Variants in RALYL observed in about 807,000 individuals in gnomAD.
The protein encoded by RALYL is RNA-binding Raly-like protein.
In RALYL, 29 loss-of-function variants were observed where a neutral mutation model predicts 35.1. The observed-to-expected ratio is 0.83, with a 90% CI of 0.61 to 1.13. RALYL has a LOEUF of 1.13. Among genes scored for constraint, RALYL ranks in the 50% most tolerant of loss-of-function variants. The pLI is 0.00. For synonymous variants in RALYL, 120 were observed against 127.6 expected (o/e 0.94, Z 0.40); for missense variants, 359 against 360.4 (o/e 1.00, Z 0.03).
At chr8:84,786,627 CTTT>C (rs1384156519) in intron 3 of RALYL, among the ~76,000 whole-genome samples, 1 of 152,100 alleles carries the variant, frequency 6.6e-6, no homozygotes, top group Non-Finnish European at 1.5e-5. Flanking sequence ...TAAATGTCTT[CTTT>C]TGAGAAGTGT....
intron 2 of RALYL, among the ~76,000 whole-genome samples, chr8:84,583,358 T>TA (rs1178658338): frequency 2.6e-5 from 4 of 152,138 alleles, no homozygotes; most frequent in Non-Finnish European, 5.9e-5. Context: ...TTCACTTTGA[T>TA]AAAAAATGGA....
chr8:84,549,347 AT>A (rs1205621428), intron 2 of RALYL, among the ~76,000 whole-genome samples: 8 of 151,990 alleles, frequency 5.3e-5, no homozygotes, highest in African/African-American at 1.9e-4. Context: ...CTTCCAATCC[AT>A]TTTCCCCATG....
chr8:84,574,922 G>T (rs1808951266), intron 2 of RALYL, among the ~76,000 whole-genome samples: 1 of 152,044 alleles, frequency 6.6e-6, no homozygotes, highest in Non-Finnish European at 1.5e-5. Context: ...AAAAATAGTT[G>T]TTTACGTGAC....
At chr8:84,661,259 AATT>A (rs1416872908) in intron 2 of RALYL, among the ~76,000 whole-genome samples, 3 of 151,932 alleles carry the variant, frequency 2.0e-5, no homozygotes, top group African/African-American at 2.4e-5. Context: ...AGGGACCATA[AATT>A]ATTATTATTT....
At chr8:84,243,870 G>A (rs1828526679) in intron 1 of RALYL, among the ~76,000 whole-genome samples, 1 of 152,072 alleles carries the variant, frequency 6.6e-6, no homozygotes, top group African/African-American at 2.4e-5. Flanking sequence ...AGTCTGGGAG[G>A]ATATAAGTCA....
At chr8:84,595,768 T>G (rs1254618369) in intron 2 of RALYL, among the ~76,000 whole-genome samples, 3 of 144,852 alleles carry the variant, frequency 2.1e-5, no homozygotes, top group African/African-American at 8.5e-5. Context: ...CATAAGTTTT[T>G]TTTTTTTTTT....
intron 1 of RALYL, among the ~76,000 whole-genome samples, chr8:84,314,619 A>C (rs540751791): frequency 6.6e-6 from 1 of 152,238 alleles, no homozygotes; most frequent in African/African-American, 2.4e-5. Context: ...CCAGCTATTC[A>C]GGAAGCTGAG....
At chr8:84,383,822 C>T (rs1858554551) in intron 1 of RALYL, among the ~76,000 whole-genome samples, 1 of 146,918 alleles carries the variant, frequency 6.8e-6, no homozygotes, top group African/African-American at 2.5e-5. Flanking sequence ...ACAAAGGTGT[C>T]AAGTCTGGAT....
chr8:84,305,325 A>T (rs1010155441), intron 1 of RALYL, among the ~76,000 whole-genome samples: 1 of 152,202 alleles, frequency 6.6e-6, no homozygotes, highest in African/African-American at 2.4e-5. Flanking sequence ...TGCTTTAATC[A>T]TTCGTCTAGT....
At chr8:84,778,067 T>G (rs1817266577) in intron 3 of RALYL, among the ~76,000 whole-genome samples, 1 of 152,208 alleles carries the variant, frequency 6.6e-6, no homozygotes, top group Admixed American at 6.5e-5. Flanking sequence ...TAATAGTGCT[T>G]TTCTAGGAAA....
intron 2 of RALYL, among the ~76,000 whole-genome samples, chr8:84,751,925 AT>A (rs2133220229): frequency 6.6e-6 from 1 of 152,290 alleles, no homozygotes; most frequent in African/African-American, 2.4e-5. Flanking sequence ...AATATAGAAA[AT>A]TGGTACTGAG....
At chr8:84,783,215 G>A (rs1457528906) in intron 3 of RALYL, among the ~76,000 whole-genome samples, 6 of 152,122 alleles carry the variant, frequency 3.9e-5, no homozygotes, top group Non-Finnish European at 5.9e-5. Context: ...TAATGTTCCA[G>A]TGTTACTCTC....
At chr8:84,791,945 G>C (rs748499800) in intron 3 of RALYL, among the ~76,000 whole-genome samples, 3 of 152,150 alleles carry the variant, frequency 2.0e-5, no homozygotes, top group Non-Finnish European at 4.4e-5. Context: ...GTCTCCTTCT[G>C]TCTGTTCAGC....
intron 2 of RALYL, among the ~76,000 whole-genome samples, chr8:84,574,187 A>T (rs1808751268): frequency 6.6e-6 from 1 of 151,988 alleles, no homozygotes; most frequent in African/African-American, 2.4e-5. Flanking sequence ...AAAATGGCCT[A>T]CTTTTACCCT....
At chr8:84,188,464 A>G (rs1177902109) in intron 1 of RALYL, among the ~76,000 whole-genome samples, 2 of 152,088 alleles carry the variant, frequency 1.3e-5, no homozygotes, top group African/African-American at 4.8e-5. Flanking sequence ...AGTGACCTGT[A>G]CGAATGCTTG....
At chr8:84,692,607 G>T (rs1398739102) in intron 2 of RALYL, among the ~76,000 whole-genome samples, 1 of 151,946 alleles carries the variant, frequency 6.6e-6, no homozygotes, top group Admixed American at 6.6e-5. Flanking sequence ...TGTAGATTTA[G>T]TGAAATATCT....
At chr8:84,416,704 C>T (rs1200500944) in intron 1 of RALYL, among the ~76,000 whole-genome samples, 1 of 152,062 alleles carries the variant, frequency 6.6e-6, no homozygotes, top group Admixed American at 6.6e-5. Context: ...ATGGCAGTCT[C>T]AGTATTAACA....
At chr8:84,594,649 C>A (rs1366159666) in intron 2 of RALYL, among the ~76,000 whole-genome samples, 2 of 151,956 alleles carry the variant, frequency 1.3e-5, no homozygotes, top group Non-Finnish European at 2.9e-5. Context: ...AATCAATCTG[C>A]CACAATCATT....
intron 6 of RALYL, among the ~76,000 whole-genome samples, chr8:84,867,113 C>A (rs909219688): frequency 3.2e-4 from 49 of 152,162 alleles, no homozygotes; most frequent in African/African-American, 1.1e-3. Flanking sequence ...TCAGTCCTCT[C>A]TCCTTGACTG....
Sources: allele counts gnomAD v4.1 joint callset (sites outside exome capture counted in the v4.1 genomes callset), GRCh38; gene constraint gnomAD v4.1.1; transcripts MANE v1.5; gene names NCBI Gene and HGNC (gene_info 2026-07-23, HGNC 2026-07-21).